The following SLX4 variants were observed in gnomAD, a reference collection of about 807,000 sequenced individuals.
The protein encoded by SLX4 is structure-specific endonuclease subunit SLX4.
A neutral mutation model predicts 146.2 loss-of-function variants in SLX4; 112 were observed. The ratio of observed to expected loss-of-function variants is 0.77; its 90% CI spans 0.66 to 0.90. SLX4 has a LOEUF of 0.90. Among genes scored for constraint, SLX4 ranks in the 40% least tolerant of loss-of-function variants. SLX4 has a pLI of 0.00. For synonymous variants in SLX4, 1,061 were observed against 997.7 expected, an observed-to-expected ratio of 1.06 and a Z score of -1.20; for missense variants, 2,563 against 2,392.7, an observed-to-expected ratio of 1.07 and a Z score of -1.49.
intron 4 of SLX4, 187 bp downstream of exon 4, chr16:3,601,931 T>G: frequency 1.5e-6 from 1 of 649,888 alleles, no homozygotes; most frequent in Non-Finnish European, 2.7e-6. Flanking sequence ...TTTGTTCAGT[T>G]TAAATGGGTG....
In SLX4 at chr16:3,592,656, A is replaced by C. The variant is rs762837907; in HGVS notation, c.2327+43T>G. 27 of 1,595,638 alleles carry C rather than the reference A, an allele frequency of 1.7e-5. No homozygotes were observed. The Admixed American group carries it at 4.7e-4, about 28-fold the overall frequency. On this transcript the variant is annotated intron_variant, in intron 11 of 14. Coordinates refer to ENST00000294008, the MANE Select transcript of SLX4 (RefSeq NM_032444.4). ...AACCCTCCAGAGCTGTTAACCTGCC[A>C]GTCCTCGTCAGTTAATTTCAAAAGC...
At chr16:3,607,203 C>T (rs768365342) in intron 2 of SLX4, among the ~76,000 whole-genome samples, 2 of 152,100 alleles carry the variant, frequency 1.3e-5, no homozygotes, top group African/African-American at 2.4e-5. Flanking sequence ...TGCAGATACG[C>T]GCATGGATAC....
At chr16:3,599,144 G>A (rs1329998344) in intron 5 of SLX4, among the ~76,000 whole-genome samples, 1 of 152,174 alleles carries the variant, frequency 6.6e-6, no homozygotes, top group Non-Finnish European at 1.5e-5. Context: ...CTTAGATGAC[G>A]TCTATTCTAA....
chr16:3,596,173 G>T lies in SLX4; in HGVS notation c.1904C>A (p.Ala635Asp). The change falls in exon 8 of 15, where the codon GCT becomes GAT. Residue 635 changes from alanine (A) to aspartate (D), a missense_variant. By Grantham distance (126) the Ala-to-Asp change is moderately radical. Transcript: ENST00000294008. Reference protein sequence around the residue: ...ASPWPGSGGLAGSEGTAGLDV... With the variant: ...ASPWPGSGGLDGSEGTAGLDV... Reference sequence around the variant, plus strand: ...CTCACCTGCAGTCCCTTCCGAGCCAGCCAGGCCCCCACTGCCGGGCCACGG... The same window carrying T: ...CTCACCTGCAGTCCCTTCCGAGCCATCCAGGCCCCCACTGCCGGGCCACGG... The T allele has an allele frequency of 1.9e-6, 3 of 1,552,058 alleles. No homozygotes were observed. Among genetic ancestry groups the T allele is most frequent in the Non-Finnish European group, 1.7e-6 (2 of 1,150,410 alleles).
intron 7 of SLX4, 114 bp from the exon 8 acceptor site, chr16:3,596,507 T>C (rs2040661407): frequency 7.7e-7 from 1 of 1,305,020 alleles, no homozygotes; most frequent in Non-Finnish European, 1.0e-6. Context: ...GAGCAGGATG[T>C]GGGCTGTGGG....
intron 5 of SLX4, among the ~76,000 whole-genome samples, chr16:3,599,916 A>G (rs1174494410): frequency 6.6e-6 from 1 of 152,190 alleles, no homozygotes; most frequent in Non-Finnish European, 1.5e-5. Context: ...GTGCTGAGTA[A>G]TCTTATGTTA....
At chr16:3,582,734 C>T (rs1382317193) in intron 14 of SLX4, 41 bp from the exon 15 acceptor site, 1 of 1,551,140 alleles carries the variant, frequency 6.4e-7, no homozygotes, top group African/African-American at 1.4e-5. Flanking sequence ...ACCCCTTTCT[C>T]TCCAGCCCCT....
At chr16:3,602,034 T>C in intron 4 of SLX4, 84 bp downstream of exon 4, 1 of 1,521,114 alleles carries the variant, frequency 6.6e-7, no homozygotes, top group East Asian at 2.3e-5. Flanking sequence ...CATGGTAAGG[T>C]GTGGAGATCC....
chr16:3,592,711 G>A lies in SLX4; in HGVS notation c.2315C>T (p.Ser772Phe), dbSNP rs933623617. ...LPPGLSSELS[S>F]LAHRFGVSEL... ...GAGCAATCCAGACCTGTGGGCCAGG[G>A]AGCTCAGCTCAGAGCTAAGGCCAGG... The change falls in exon 11 of 15, where the codon TCC becomes TTC. Residue 772 changes from serine (S) to phenylalanine (F), a missense_variant. Coordinates refer to ENST00000294008, the MANE Select transcript of SLX4 (RefSeq NM_032444.4). 2.5e-6 allele frequency: 4 copies of A among 1,613,210 alleles called. No homozygotes were observed. The highest frequency in any genetic ancestry group is 3.4e-6 in the Non-Finnish European group (4 of 1,179,936).
At position 3,592,780 on chromosome 16, in the gene SLX4, C is replaced by A. The variant is rs140109914; in HGVS notation, c.2246G>T (p.Arg749Leu). Residue 749 changes from arginine (R) to leucine (L), a missense_variant, in exon 11 of 15, where the codon CGC becomes CTC. By Grantham distance (102) the Arg-to-Leu change is moderately radical. Coordinates refer to ENST00000294008, the MANE Select transcript of SLX4 (RefSeq NM_032444.4). ...LLGDVSTEAA[R>L]TFLHYLYTAD... Reference sequence around the variant, plus strand: ...AGTGTAGAGATAGTGCAGGAACGTGCGGGCGGCCTCGGTGCTCACGTCACC... The same window carrying A: ...AGTGTAGAGATAGTGCAGGAACGTGAGGGCGGCCTCGGTGCTCACGTCACC... The A allele has an allele frequency of 5.6e-6, 9 of 1,612,594 alleles. No homozygotes were observed. Among genetic ancestry groups the A allele is most frequent in the African/African-American group, 1.3e-5 (1 of 74,856 alleles).
chr16:3,608,599 CTTT>C lies in SLX4; in HGVS notation c.363_365del (p.Lys122del), dbSNP rs2151139354. ...TTGCTTGCCATTTGGTTACCCTTTGCTTTTTAGTCCTAGGGGCCTGGCTGCCAG... is the reference window on the plus strand; with the variant it reads ...TTGCTTGCCATTTGGTTACCCTTTGCTTAGTCCTAGGGGCCTGGCTGCCAG... On this transcript the variant is annotated inframe_deletion, in exon 2 of 15. Transcript: ENST00000294008. The C allele has an allele frequency of 2.5e-6, 4 of 1,614,162 alleles. No homozygotes were observed. Among genetic ancestry groups the C allele is most frequent in the Non-Finnish European group, 3.4e-6 (4 of 1,180,028 alleles).
intron 12 of SLX4, among the ~76,000 whole-genome samples, chr16:3,587,905 C>T (rs2040525970): frequency 7.5e-6 from 1 of 133,650 alleles, no homozygotes; most frequent in South Asian, 2.3e-4. Context: ...CCCGGCCTGT[C>T]CTTGCCCTCC....
chr16:3,589,594 G>C lies in SLX4; in HGVS notation c.4044C>G (p.Pro1348=), dbSNP rs1332165366. ...QGHRSPSRPH[P]GGHPHSSPLA... ...GCGGAGAGGAGTGCGGGTGGCCCCC[G>C]GGGTGGGGACGGGAAGGGCTTCTGT... is the stretch of plus-strand genomic sequence containing the variant. Residue 1348 remains proline, a synonymous_variant, in exon 12 of 15, where the codon CCC becomes CCG. Transcript: ENST00000294008. The surrounding 1 kb of genome is among the most constrained non-coding windows in gnomAD (Gnocchi z 6.2). 1.9e-6 allele frequency: 3 copies of C among 1,613,632 alleles called. No homozygotes were observed. In the Admixed American group the frequency reaches 5.0e-5, roughly 27 times the overall value.
In SLX4 at chr16:3,592,842, A is replaced by G. The variant is rs1355887573; in HGVS notation, c.2184T>C (p.Ala728=). Residue 728 remains alanine (A), a synonymous_variant, in exon 11 of 15, where the codon GCT becomes GCC. Coordinates refer to ENST00000294008, the MANE Select transcript of SLX4 (RefSeq NM_032444.4). ...GCTGGGTCAGAACCCCGTCCTCTAC[A>G]GCGGAGAAGCCTTCATTGTTCACCT... ...IQYVNNEGFS[A]VEDGVLTQRV... 1.2e-6 allele frequency: 2 copies of G among 1,611,526 alleles called. No individual in the cohort carries two copies. The highest frequency in any genetic ancestry group is 1.3e-5 in the African/African-American group (1 of 74,878).
At position 3,609,073 on chromosome 16, in the gene SLX4, C is replaced by T. The variant is rs2040819352; in HGVS notation, c.-109G>A. On this transcript the variant is annotated 5_prime_UTR_variant, in exon 2 of 15. Coordinates refer to ENST00000294008, the MANE Select transcript of SLX4 (RefSeq NM_032444.4). ...TTGAAGTATCTTTGTTCAAATTGGGCCTGTGGTTAAACATGTTTAAAGCTT... is the reference window on the plus strand; with the variant it reads ...TTGAAGTATCTTTGTTCAAATTGGGTCTGTGGTTAAACATGTTTAAAGCTT... 1 of 1,367,136 alleles carries T rather than the reference C, an allele frequency of 7.3e-7. No homozygotes were observed. Among genetic ancestry groups the T allele is most frequent in the South Asian group, 1.2e-5 (1 of 80,642 alleles). 84.7% of individuals were successfully genotyped at this position (1,367,136 alleles called of 1,614,324 possible). A position where few individuals can be genotyped will look rare whatever the true frequency, so the allele number is the denominator to read the frequency against.
chr16:3,607,332 A>G (rs2040798281), intron 2 of SLX4, among the ~76,000 whole-genome samples: 1 of 152,174 alleles, frequency 6.6e-6, no homozygotes, highest in Admixed American at 6.6e-5. Flanking sequence ...CTGAGACTCT[A>G]CCACCACTCT....
chr16:3,605,945 T>TTA (rs1334027661), intron 3 of SLX4, among the ~76,000 whole-genome samples: 1 of 33,312 alleles, frequency 3.0e-5, no homozygotes, highest in African/African-American at 1.6e-4. Context: ...AGACTCCATC[T>TTA]CAAAAAAAAA....
intron 3 of SLX4, 87 bp from the exon 4 acceptor site, chr16:3,602,394 A>G (rs2151135156): frequency 1.3e-6 from 2 of 1,499,258 alleles, no homozygotes; most frequent in South Asian, 1.1e-5. Flanking sequence ...CCTGCAGACC[A>G]TGGGGAGCAG....
At chr16:3,592,943 C>A (rs2040610477) in intron 10 of SLX4, 78 bp from the exon 11 acceptor site, 1 of 1,419,462 alleles carries the variant, frequency 7.0e-7, no homozygotes, top group African/African-American at 1.4e-5. Context: ...TCTGGGGTGT[C>A]CTGCAAGTCA....
Sources: gnomAD v4.1 joint callset for allele counts (sites outside exome capture counted in the v4.1 genomes callset) on GRCh38, gnomAD v4.1.1 for gene constraint, Gnocchi (gnomAD v3.1) non-coding constraint, MANE v1.5 for transcripts, NCBI Gene and HGNC (gene_info 2026-07-23, HGNC 2026-07-21) for gene names.